The following CCDC82 variants were observed in gnomAD, a reference collection of about 807,000 sequenced individuals.
The protein encoded by CCDC82 is coiled-coil domain-containing protein 82.
Under a neutral mutation model 60.6 loss-of-function variants are expected in CCDC82, and 47 were observed. That is an observed-to-expected ratio of 0.77 (90% CI 0.61 to 0.99). The LOEUF (loss-of-function observed/expected upper bound fraction) is 0.99. CCDC82 is among the 50% of genes least tolerant of loss of function. CCDC82 has a pLI of 0.00. For missense variants in CCDC82, 588 were observed against 633.0 expected (o/e 0.93, Z 0.76); for synonymous variants, 212 against 207.4 (o/e 1.02, Z -0.19).
intron 7 of CCDC82, among the ~76,000 whole-genome samples, chr11:96,368,227 G>A (rs1865054541): frequency 6.6e-6 from 1 of 152,132 alleles, no homozygotes; most frequent in African/African-American, 2.4e-5. Flanking sequence ...TAATCTCCTT[G>A]TAAATCTCCA....
At position 96,381,244 on chromosome 11, in the gene CCDC82, A is replaced by G. The variant is rs943963195; in HGVS notation, c.991+2025T>C. 4.0e-5 allele frequency: 6 copies of G among 151,742 alleles called. No individual in the cohort carries two copies. The East Asian group carries it at 5.8e-4, about 15-fold the overall frequency. 9.4% of individuals were successfully genotyped at this position (151,742 alleles called of 1,614,324 possible). On this transcript the variant is annotated intron_variant, in intron 5 of 9. Coordinates refer to ENST00000646818, the MANE Select transcript of CCDC82 (RefSeq NM_024725.4). ...CACATTCTAGATAACCCAAAATAGG[A>G]TATCTCCTAATTGAGTATCCCTGTA... is the stretch of plus-strand genomic sequence containing the variant.
At chr11:96,389,611 C>G (rs143858883) in intron 1 of CCDC82, 1 of 152,628 alleles carries the variant, frequency 6.6e-6, no homozygotes, top group African/African-American at 2.4e-5. Context: ...TTCCAAGCAC[C>G]TCCCCAAGGC....
At chr11:96,370,882 GAGAAATAAT>G in intron 7 of CCDC82, 122 bp downstream of exon 7, 2 of 728,152 alleles carry the variant, frequency 2.7e-6, no homozygotes, top group Admixed American at 7.1e-5. Context: ...TAGAAGATGT[GAGAAATAAT>G]AAGCTGATTA....
intron 7 of CCDC82, among the ~76,000 whole-genome samples, chr11:96,365,582 C>T (rs903430937): frequency 2.0e-5 from 3 of 152,086 alleles, no homozygotes; most frequent in Admixed American, 2.0e-4. Flanking sequence ...TATATATTTG[C>T]CACAAAAATA....
At chr11:96,353,764 A>C in intron 9 of CCDC82, 50 bp from the exon 10 acceptor site, 1 of 1,343,616 alleles carries the variant, frequency 7.4e-7, no homozygotes, top group East Asian at 2.3e-5. Context: ...CAATGAAGAC[A>C]AACTGGGCCT....
chr11:96,365,804 T>C (rs11021554), intron 7 of CCDC82, among the ~76,000 whole-genome samples: 32,221 of 152,144 alleles, frequency 0.21, 3,530 homozygotes, highest in East Asian at 0.31. Flanking sequence ...TTTCTGCTTA[T>C]GTTCTAGGCC....
chr11:96,376,647 C>T (rs185860788), intron 5 of CCDC82, among the ~76,000 whole-genome samples: 2 of 151,974 alleles, frequency 1.3e-5, no homozygotes, highest in African/African-American at 2.4e-5. Context: ...AGGCTGGTCT[C>T]GAACTCCTGA....
chr11:96,373,582 T>C (rs945142890), intron 5 of CCDC82, 115 bp from the exon 6 acceptor site: 12 of 585,648 alleles, frequency 2.0e-5, no homozygotes, highest in Non-Finnish European at 3.6e-5. Flanking sequence ...ACAAACAGCT[T>C]AATCATCCTA....
At chr11:96,373,995 T>C (rs1274532699) in intron 5 of CCDC82, among the ~76,000 whole-genome samples, 2 of 152,186 alleles carry the variant, frequency 1.3e-5, no homozygotes, top group Non-Finnish European at 2.9e-5. Flanking sequence ...TCTATTTCCT[T>C]CCCCATACCA....
chr11:96,366,897 C>T (rs1565307312), intron 7 of CCDC82, among the ~76,000 whole-genome samples: 2 of 152,298 alleles, frequency 1.3e-5, no homozygotes, highest in Non-Finnish European at 1.5e-5. Context: ...ATATCAATAA[C>T]GTGTCACACA....
At chr11:96,364,135 AATGTACGAAAT>A (rs991109600) in intron 8 of CCDC82, 7 of 152,252 alleles carry the variant, frequency 4.6e-5, no homozygotes, top group African/African-American at 1.7e-4. Context: ...CATGGTCCCT[AATGTACGAAAT>A]CACTTTTGCT....
At chr11:96,382,037 T>G (rs1865902072) in intron 5 of CCDC82, 1 of 151,834 alleles carries the variant, frequency 6.6e-6, no homozygotes, top group Admixed American at 6.6e-5. Flanking sequence ...TATTAAATCT[T>G]GAATGTGAAG....
At chr11:96,377,438 C>A (rs1469696606) in intron 5 of CCDC82, among the ~76,000 whole-genome samples, 3 of 151,716 alleles carry the variant, frequency 2.0e-5, no homozygotes, top group African/African-American at 4.8e-5. Context: ...GTTTTCATGT[C>A]TTGTTGCATT....
At chr11:96,367,013 T>C (rs745485467) in intron 7 of CCDC82, among the ~76,000 whole-genome samples, 48 of 152,336 alleles carry the variant, frequency 3.2e-4, no homozygotes, top group Admixed American at 1.0e-3. Context: ...TTAAACTACA[T>C]TTAATTAAAA....
intron 2 of CCDC82, chr11:96,387,055 T>G (rs1866235919): frequency 1.3e-5 from 2 of 152,256 alleles, no homozygotes; most frequent in African/African-American, 4.8e-5. Flanking sequence ...GTAAGCTAAG[T>G]GTGCATATGT....
intron 8 of CCDC82, among the ~76,000 whole-genome samples, chr11:96,360,013 C>T (rs911095530): frequency 6.6e-6 from 1 of 150,874 alleles, no homozygotes; most frequent in Non-Finnish European, 1.5e-5. Flanking sequence ...ATAACCAGAA[C>T]CTTTCTCTTT....
At chr11:96,356,801 CTAG>C in intron 9 of CCDC82, 1 of 985,260 alleles carries the variant, frequency 1.0e-6, no homozygotes, top group Non-Finnish European at 1.2e-6. Context: ...TGAAGTCAGT[CTAG>C]TTGGCATGTC....
intron 5 of CCDC82, among the ~76,000 whole-genome samples, chr11:96,376,592 TA>T (rs1865590095): frequency 1.3e-5 from 2 of 152,078 alleles, no homozygotes; most frequent in Admixed American, 1.3e-4. Flanking sequence ...CATGCCTGGC[TA>T]ATTTTTGTAC....
chr11:96,355,227 T>TA (rs1350048730), intron 9 of CCDC82: 2 of 152,108 alleles, frequency 1.3e-5, no homozygotes, highest in African/African-American at 4.8e-5. Context: ...AATTAAAAAT[T>TA]AAAAAAATTA....
Sources: allele counts gnomAD v4.1 joint callset (sites outside exome capture counted in the v4.1 genomes callset), GRCh38; gene constraint gnomAD v4.1.1; transcripts MANE v1.5; gene names NCBI Gene and HGNC (gene_info 2026-07-23, HGNC 2026-07-21).